The following ARMH3 variants were observed in gnomAD, a reference collection of about 807,000 sequenced individuals.
ARMH3 encodes the protein armadillo-like helical domain-containing protein 3.
A neutral mutation model predicts 99.1 loss-of-function variants in ARMH3; 60 were observed. The observed-to-expected ratio is 0.61, with a 90% confidence interval of 0.49 to 0.75. The LOEUF is 0.75. ARMH3 is among the 30% of genes least tolerant of loss of function. ARMH3 has a pLI of 0.00. For synonymous variants in ARMH3, 285 were observed against 292.8 expected (o/e 0.97, Z 0.27); for missense variants, 679 against 843.1 (o/e 0.81, Z 2.41).
intron 11 of ARMH3, among the ~76,000 whole-genome samples, chr10:102,011,418 T>TA (rs1383870947): frequency 6.6e-6 from 1 of 152,054 alleles, no homozygotes; most frequent in African/African-American, 2.4e-5. Context: ...CTTTAGCCTT[T>TA]AAAAAATTAA....
At chr10:102,039,757 C>T (rs1208756102) in intron 2 of ARMH3, among the ~76,000 whole-genome samples, 2 of 152,018 alleles carry the variant, frequency 1.3e-5, no homozygotes, top group Non-Finnish European at 2.9e-5. Flanking sequence ...CCCCAGCCTT[C>T]CTCCCTCCTT....
intron 1 of ARMH3, among the ~76,000 whole-genome samples, chr10:102,055,009 A>C (rs990906464): frequency 4.7e-5 from 7 of 148,324 alleles, no homozygotes; most frequent in Non-Finnish European, 1.0e-4. Flanking sequence ...AAAAACAAAA[A>C]ACAAAACAAA....
intron 19 of ARMH3, among the ~76,000 whole-genome samples, chr10:101,985,296 G>GTA (rs1491570144): frequency 8.2e-6 from 1 of 121,246 alleles, no homozygotes; most frequent in African/African-American, 2.9e-5. Flanking sequence ...ATATACACAC[G>GTA]TATATATACA....
intron 24 of ARMH3, among the ~76,000 whole-genome samples, chr10:101,885,857 C>A (rs1321695698): frequency 6.6e-6 from 1 of 151,972 alleles, no homozygotes; most frequent in Non-Finnish European, 1.5e-5. Context: ...AGTTTTGAGA[C>A]CAGGCTGGCC....
At chr10:101,920,509 G>A (rs1385639942) in intron 23 of ARMH3, among the ~76,000 whole-genome samples, 2 of 152,128 alleles carry the variant, frequency 1.3e-5, no homozygotes, top group Non-Finnish European at 2.9e-5. Flanking sequence ...AGGGGCCAGC[G>A]AGGGGACAAG....
At chr10:101,852,522 G>A (rs1440123744) in intron 24 of ARMH3, among the ~76,000 whole-genome samples, 1 of 152,190 alleles carries the variant, frequency 6.6e-6, no homozygotes, top group Non-Finnish European at 1.5e-5. Flanking sequence ...TTGGGAGGCC[G>A]AGGCGGGCAG....
At chr10:101,882,825 A>G (rs1421448782) in intron 24 of ARMH3, among the ~76,000 whole-genome samples, 2 of 152,218 alleles carry the variant, frequency 1.3e-5, no homozygotes, top group African/African-American at 4.8e-5. Flanking sequence ...CAAAGTAGCT[A>G]AGCTAGTGAT....
chr10:102,055,791 G>T (rs2067833829), intron 1 of ARMH3, among the ~76,000 whole-genome samples: 1 of 152,210 alleles, frequency 6.6e-6, no homozygotes, highest in Admixed American at 6.5e-5. Context: ...GAAGCCAGAA[G>T]GCCCCGCAGG....
chr10:102,029,003 A>G (rs1342449907), intron 5 of ARMH3, among the ~76,000 whole-genome samples: 1 of 152,022 alleles, frequency 6.6e-6, no homozygotes, highest in Admixed American at 6.6e-5. Flanking sequence ...TCCCCCAACT[A>G]GCTGGGACTT....
rs1010120185 is a variant in ARMH3, at chr10:101,948,926, A to C, written c.1705+7671T>G. 4.6e-5 allele frequency among the ~76,000 whole-genome samples: 7 copies of C among 152,338 alleles called. No homozygotes were observed. In the East Asian group the frequency reaches 1.2e-3, roughly 25 times the overall value. On this transcript the variant is annotated intron_variant, in intron 22 of 25. Coordinates refer to ENST00000370033, the MANE Select transcript of ARMH3 (RefSeq NM_024541.3). Reference sequence around the variant, plus strand: ...CCAAAACAAAACTAAACTAGAAATTACTAACAGAAGAATATCTGGAAAATC... The same window carrying C: ...CCAAAACAAAACTAAACTAGAAATTCCTAACAGAAGAATATCTGGAAAATC...
In ARMH3 at chr10:101,963,663, G is replaced by T. The variant is rs548092023; in HGVS notation, c.1496-5931C>A. ...TGCCCAGGGTGGAGTGCAACGGCAC[G>T]ATCTCGGCTCTCCGCGACCTCTGTC... On this transcript the variant is annotated intron_variant, in intron 20 of 25. Coordinates refer to ENST00000370033, the MANE Select transcript of ARMH3 (RefSeq NM_024541.3). Among the ~76,000 whole-genome samples the T allele has an allele frequency of 8.6e-5, 13 of 152,018 alleles. No individual in the cohort carries two copies. The East Asian group carries it at 2.5e-3, about 30-fold the overall frequency.
At chr10:101,862,699 T>C (rs1384154961) in intron 24 of ARMH3, among the ~76,000 whole-genome samples, 1 of 146,542 alleles carries the variant, frequency 6.8e-6, no homozygotes, top group Non-Finnish European at 1.5e-5. Flanking sequence ...AGATATAAAA[T>C]GAAATCATAA....
At chr10:101,928,363 G>A (rs752266001) in intron 23 of ARMH3, among the ~76,000 whole-genome samples, 1 of 152,160 alleles carries the variant, frequency 6.6e-6, no homozygotes, top group Non-Finnish European at 1.5e-5. Flanking sequence ...TCATAGTCAG[G>A]TAGCTTGATT....
At chr10:101,901,258 G>C (rs2067969422) in intron 23 of ARMH3, among the ~76,000 whole-genome samples, 1 of 148,920 alleles carries the variant, frequency 6.7e-6, no homozygotes, top group African/African-American at 2.5e-5. Context: ...GGAGAGATGA[G>C]AGGGTGGGCC....
At chr10:101,917,196 A>G (rs1843124479) in intron 23 of ARMH3, among the ~76,000 whole-genome samples, 1 of 152,232 alleles carries the variant, frequency 6.6e-6, no homozygotes, top group Admixed American at 6.5e-5. Context: ...TCACCACCAC[A>G]GTCAAGATAC....
At position 101,990,664 on chromosome 10, in the gene ARMH3, G is replaced by A. The variant is rs1262504040; in HGVS notation, c.1346-53C>T. The A allele has an allele frequency of 7.5e-6, 11 of 1,457,408 alleles. No homozygotes were observed. The East Asian group carries it at 1.6e-4, about 21-fold the overall frequency. The allele number at this position is 1,457,408 out of a possible 1,614,324, so 90.3% of individuals were successfully genotyped here. A position where few individuals can be genotyped will look rare whatever the true frequency, so the allele number is the denominator to read the frequency against. On this transcript the variant is annotated intron_variant, in intron 18 of 25. Transcript: ENST00000370033. ...TCAATTACAATGGAATTCATTTCTT[G>A]TCTTTGAGTTGGAAAAAAAGCTTCT...
rs890965515 is a variant in ARMH3 at position 101,846,068 on chromosome 10, T to G, written c.*1460A>C. On this transcript the variant is annotated 3_prime_UTR_variant, in exon 26 of 26. Transcript: ENST00000370033. The stretch of plus-strand genomic sequence containing the variant: ...AAGCCTATAGTGGTTCCATGGAGGC[T>G]ATCCAAGGGAGGAACCACAAGCCAA... 6.6e-6 allele frequency: 1 copy of G among 152,166 alleles called. No individual in the cohort carries two copies. The highest frequency in any genetic ancestry group is 2.4e-5 in the African/African-American group (1 of 41,428). The allele number at this position is 152,166 out of a possible 1,614,324, so 9.4% of individuals were successfully genotyped here.
At chr10:101,921,953 A>T (rs914965156) in intron 23 of ARMH3, among the ~76,000 whole-genome samples, 4 of 152,182 alleles carry the variant, frequency 2.6e-5, no homozygotes, top group Admixed American at 6.5e-5. Context: ...CCAACAATGT[A>T]CTATATATTT....
At chr10:101,941,868 A>T (rs1452303305) in intron 22 of ARMH3, among the ~76,000 whole-genome samples, 1 of 152,146 alleles carries the variant, frequency 6.6e-6, no homozygotes. Context: ...CTCAATTGTG[A>T]AATTTATTTA....
Sources: allele counts gnomAD v4.1 joint callset (sites outside exome capture counted in the v4.1 genomes callset), GRCh38; gene constraint gnomAD v4.1.1; transcripts MANE v1.5; gene names NCBI Gene and HGNC (gene_info 2026-07-23, HGNC 2026-07-21).